The following TBC1D30 variants were observed in gnomAD, a reference collection of about 807,000 sequenced individuals.
The protein encoded by TBC1D30 is TBC1 domain family member 30, also known as TBC1 domain family, member 30.
TBC1D30 carries 31 observed loss-of-function variants against 63.2 expected under a neutral mutation model. The observed-to-expected ratio is 0.49, with a 90% CI of 0.37 to 0.66. The LOEUF is 0.66. Among genes scored for constraint, TBC1D30 ranks in the 30% least tolerant of loss-of-function variants. The pLI, the probability that TBC1D30 is intolerant of heterozygous loss-of-function variation, is 0.00. For synonymous variants in TBC1D30, 307 were observed against 361.5 expected, an observed-to-expected ratio of 0.85 and a Z score of 1.71; for missense variants, 810 against 953.6, an observed-to-expected ratio of 0.85 and a Z score of 1.98.
At chr12:64,787,475 T>C (rs535222785) in intron 2 of TBC1D30, 3 of 596,610 alleles carry the variant, frequency 5.0e-6, no homozygotes, top group Admixed American at 1.3e-4. Context: ...GCTCTTTCAC[T>C]CTGTCACATT....
chr12:64,816,320 GC>G (rs993564440), intron 2 of TBC1D30, among the ~76,000 whole-genome samples: 1 of 152,152 alleles, frequency 6.6e-6, no homozygotes, highest in Non-Finnish European at 1.5e-5. Context: ...ACATGCATGA[GC>G]CCCGGCATCC....
In TBC1D30 at chr12:64,875,165, G is replaced by A. The variant is rs772258001; in HGVS notation, c.1663G>A (p.Glu555Lys). The change falls in exon 12 of 12, where the codon GAA becomes AAA. Residue 555 changes from glutamate (E) to lysine (K), a missense_variant. Physicochemically the swap from Glu to Lys is moderately conservative, Grantham distance 56 (BLOSUM62 1). Coordinates refer to ENST00000539867, the MANE Select transcript of TBC1D30 (RefSeq NM_015279.2). ...AGGGAAAATATCTCCTGTCCCCTAC[G>A]AAGACCTTAAGACGAAGCTCAACTC... is the stretch of plus-strand genomic sequence containing the variant. ...TGGKISPVPY[E>K]DLKTKLNSPW... is the part of the protein sequence containing the mutation. 15 of 1,536,198 alleles carry A rather than the reference G, an allele frequency of 9.8e-6. No individual in the cohort carries two copies. Among genetic ancestry groups the A allele is most frequent in the Non-Finnish European group, 1.2e-5 (14 of 1,146,916 alleles).
upstream of TBC1D30, among the ~76,000 whole-genome samples, chr12:64,778,681 A>G (rs1207285683): frequency 6.7e-6 from 1 of 149,698 alleles, no homozygotes; most frequent in Non-Finnish European, 1.5e-5. Flanking sequence ...ATGGGCCACC[A>G]CACCCAGCTA....
rs1348993641 is a variant in TBC1D30 at position 64,828,476 on chromosome 12, A to C, written c.249A>C (p.Leu83=). Residue 83 remains leucine, a synonymous_variant, in exon 3 of 12, where the codon CTA becomes CTC. Transcript: ENST00000539867. ...ATGCTCTCAAGGCAGTTGCCAGGCTATCCACAGGAATACCAAAGGAATGGA... is the reference window on the plus strand; with the variant it reads ...ATGCTCTCAAGGCAGTTGCCAGGCTCTCCACAGGAATACCAAAGGAATGGA... ...WYDALKAVAR[L]STGIPKEWRR... 1 of 1,535,926 alleles carries C rather than the reference A, an allele frequency of 6.5e-7. No homozygotes were observed. Among genetic ancestry groups the C allele is most frequent in the Admixed American group, 2.0e-5 (1 of 51,002 alleles).
intron 1 of TBC1D30, 118 bp downstream of exon 1, chr12:64,825,151 C>G: frequency 7.3e-7 from 1 of 1,368,876 alleles, no homozygotes; most frequent in Non-Finnish European, 9.6e-7. Flanking sequence ...CGCGTGCCAC[C>G]TGGTGCGGGG....
chr12:64,789,933 G>A (rs1159845901), intron 2 of TBC1D30, among the ~76,000 whole-genome samples: 4 of 151,150 alleles, frequency 2.6e-5, no homozygotes, highest in African/African-American at 7.4e-5. Flanking sequence ...CTTCAAAATG[G>A]TATGTAGCTT....
chr12:64,785,147 C>CTTTTTTTTTTTTTTTT (rs3033154), intron 1 of TBC1D30, among the ~76,000 whole-genome samples: 1 of 134,844 alleles, frequency 7.4e-6, no homozygotes. Flanking sequence ...ACTTTAAAGA[C>CTTTTTTTTTTTTTTTT]TTTTTTTTTT....
At position 64,825,050 on chromosome 12, in the gene TBC1D30, T is replaced by G. The variant is rs1874188527; in HGVS notation, c.154+17T>G. The G allele has an allele frequency of 6.6e-7, 1 of 1,525,244 alleles. No individual in the cohort carries two copies. The highest frequency in any genetic ancestry group is 8.8e-7 in the Non-Finnish European group (1 of 1,141,200). 94.5% of individuals were successfully genotyped at this position (1,525,244 alleles called of 1,614,324 possible). ...TGGAGCCGGGTGAGGACCCCAGGGC[T>G]GCAGATGGGGCGCTGTAAAGTAGCG... is the stretch of plus-strand genomic sequence containing the variant. On this transcript the variant is annotated intron_variant, in intron 1 of 11. Transcript: ENST00000539867.
At chr12:64,773,806 T>C (rs975873042) in intron 1 of TBC1D30, among the ~76,000 whole-genome samples, 1 of 152,074 alleles carries the variant, frequency 6.6e-6, no homozygotes, top group African/African-American at 2.4e-5. Flanking sequence ...ACCTCAAAGA[T>C]TGAAAATAGA....
At chr12:64,799,683 C>T (rs911643102) in intron 2 of TBC1D30, among the ~76,000 whole-genome samples, 7 of 152,182 alleles carry the variant, frequency 4.6e-5, no homozygotes, top group Non-Finnish European at 4.4e-5. Context: ...GAATGTGATA[C>T]GTAAATGTGT....
rs1403945516 is a variant in TBC1D30, at chr12:64,879,271, T to C, written c.*3483T>C. The C allele has an allele frequency of 6.6e-6, 1 of 152,230 alleles. No homozygotes were observed. The highest frequency in any genetic ancestry group is 1.5e-5 in the Non-Finnish European group (1 of 68,032). 9.4% of individuals were successfully genotyped at this position (152,230 alleles called of 1,614,324 possible). On this transcript the variant is annotated 3_prime_UTR_variant, in exon 12 of 12. Coordinates refer to ENST00000539867, the MANE Select transcript of TBC1D30 (RefSeq NM_015279.2). ...GGTAAATGCTCTTATACAATATGATTTTTAGTGACTAATATTCCCTAATGT... is the reference window on the plus strand; with the variant it reads ...GGTAAATGCTCTTATACAATATGATCTTTAGTGACTAATATTCCCTAATGT...
At chr12:64,849,066 G>A (rs140980972) in intron 8 of TBC1D30, among the ~76,000 whole-genome samples, 6,510 of 152,160 alleles carry the variant, frequency 0.043, 454 homozygotes, top group African/African-American at 0.15. Flanking sequence ...GGCTGCATAA[G>A]TGTCTTCTTT....
At chr12:64,793,000 C>T (rs912427745) in intron 2 of TBC1D30, among the ~76,000 whole-genome samples, 2 of 152,076 alleles carry the variant, frequency 1.3e-5, no homozygotes, top group Non-Finnish European at 2.9e-5. Flanking sequence ...CTTTGGCCTA[C>T]TTCTAGGAGC....
At chr12:64,805,850 AAAAT>A (rs1358214985) in intron 2 of TBC1D30, among the ~76,000 whole-genome samples, 1 of 152,124 alleles carries the variant, frequency 6.6e-6, no homozygotes, top group Non-Finnish European at 1.5e-5. Context: ...AAAATAAAAT[AAAAT>A]AAATAAAATA....
At chr12:64,859,232 G>A (rs1195237567) in intron 8 of TBC1D30, among the ~76,000 whole-genome samples, 1 of 152,152 alleles carries the variant, frequency 6.6e-6, no homozygotes, top group African/African-American at 2.4e-5. Context: ...TACTGCATAA[G>A]TGTGAGGGGG....
At chr12:64,855,897 A>G (rs1160236958) in intron 8 of TBC1D30, among the ~76,000 whole-genome samples, 2 of 152,222 alleles carry the variant, frequency 1.3e-5, no homozygotes, top group Admixed American at 6.5e-5. Flanking sequence ...TAGGTATTAT[A>G]GTCTTCACAA....
intron 10 of TBC1D30, among the ~76,000 whole-genome samples, chr12:64,867,149 C>G (rs1228348609): frequency 6.6e-6 from 1 of 151,950 alleles, no homozygotes; most frequent in Non-Finnish European, 1.5e-5. Flanking sequence ...CAGTCTCTAC[C>G]AAACAACAAC....
chr12:64,805,501 C>T (rs1031072056), intron 2 of TBC1D30, among the ~76,000 whole-genome samples: 1 of 152,100 alleles, frequency 6.6e-6, no homozygotes, highest in Admixed American at 6.6e-5. Flanking sequence ...TCTTTGTTGA[C>T]TTACTGGTGA....
chr12:64,859,924 A>G lies in TBC1D30; in HGVS notation c.1039-4744A>G, dbSNP rs539907867. ...TATTTGCCCATCTGGATGCCGCTCA[A>G]TCTCCTCTCTTTCCCACTCCCAGAG... is the stretch of plus-strand genomic sequence containing the variant. On this transcript the variant is annotated intron_variant, in intron 8 of 11. Coordinates refer to ENST00000539867, the MANE Select transcript of TBC1D30 (RefSeq NM_015279.2). Among the ~76,000 whole-genome samples the G allele has an allele frequency of 7.2e-5, 11 of 151,820 alleles. 1 individual carries two copies. Among genetic ancestry groups the G allele is most frequent in the African/African-American group, 2.7e-4 (11 of 41,368 alleles).
Sources: allele counts gnomAD v4.1 joint callset (sites outside exome capture counted in the v4.1 genomes callset), GRCh38; gene constraint gnomAD v4.1.1; transcripts MANE v1.5; gene names NCBI Gene and HGNC (gene_info 2026-07-23, HGNC 2026-07-21).